The following SOCS2 variants were observed in gnomAD, a reference collection of about 807,000 sequenced individuals.
The protein encoded by SOCS2 is suppressor of cytokine signaling 2.
A neutral mutation model predicts 18.6 loss-of-function variants in SOCS2; 10 were observed. The observed-to-expected ratio is 0.54, with a 90% CI of 0.33 to 0.91. The LOEUF (loss-of-function observed/expected upper bound fraction) is 0.91. Ranked by LOEUF, SOCS2 falls within the 40% of genes least tolerant of loss-of-function variation. SOCS2 has a pLI of 0.02. For synonymous variants in SOCS2, 104 were observed against 104.0 expected (o/e 1.00, Z 0.00); for missense variants, 231 against 247.2 (o/e 0.93, Z 0.44).
At chr12:93,592,018 G>A in the SOCS2 span, among the ~76,000 whole-genome samples, 5 of 152,104 alleles carry the variant, frequency 3.3e-5, no homozygotes, top group East Asian at 1.9e-4. Flanking sequence ...TTCTAAAAGT[G>A]ATAACATGCT....
chr12:93,580,290 T>A (rs192204869), downstream of SOCS2, among the ~76,000 whole-genome samples: 4 of 152,288 alleles, frequency 2.6e-5, no homozygotes, highest in African/African-American at 9.6e-5. Flanking sequence ...TGTTTAGTGT[T>A]TGGTCCAGAA....
Position 93,575,347 on chromosome 12 carries a change from A to G in SOCS2, c.*168A>G. ...AGCTTGAAGAGGTAGCTAGGTGTTT[A>G]AAGTTCCTCCAGATACTTTTACCTG... On this transcript the variant is annotated 3_prime_UTR_variant, in exon 2 of 2. Coordinates refer to ENST00000551556, the MANE Select transcript of SOCS2 (RefSeq NM_001270471.2). 1 of 467,566 alleles carries G rather than the reference A, an allele frequency of 2.1e-6. No individual in the cohort carries two copies. The highest frequency in any genetic ancestry group is 5.7e-4 in the Middle Eastern group (1 of 1,760). The allele number at this position is 467,566 out of a possible 1,614,324, so 29.0% of individuals were successfully genotyped here.
chr12:93,598,691 C>T, the SOCS2 span, among the ~76,000 whole-genome samples: 1 of 152,210 alleles, frequency 6.6e-6, no homozygotes, highest in Non-Finnish European at 1.5e-5. Flanking sequence ...ATATTCCAAT[C>T]TATGAGTACA....
chr12:93,586,889 C>T (rs1008894111), downstream of SOCS2, among the ~76,000 whole-genome samples: 2 of 152,174 alleles, frequency 1.3e-5, no homozygotes, highest in Non-Finnish European at 2.9e-5. Context: ...AGTCCCTGGC[C>T]GGGCACAGTG....
At chr12:93,624,354 C>T in the SOCS2 span, among the ~76,000 whole-genome samples, 24 of 152,272 alleles carry the variant, frequency 1.6e-4, no homozygotes, top group South Asian at 6.2e-4. Context: ...GGGTGGATCA[C>T]GAGGTCAAGA....
downstream of SOCS2, among the ~76,000 whole-genome samples, chr12:93,578,432 G>T (rs533050179): frequency 6.6e-6 from 1 of 152,202 alleles, no homozygotes; most frequent in South Asian, 2.1e-4. Context: ...GGGGTAGGTG[G>T]GGTTTGAGTG....
the SOCS2 span, among the ~76,000 whole-genome samples, chr12:93,605,199 T>C: frequency 6.6e-6 from 1 of 152,204 alleles, no homozygotes. Context: ...ACCACCCACA[T>C]TTAACAAGGA....
At chr12:93,604,920 G>C in the SOCS2 span, among the ~76,000 whole-genome samples, 541 of 150,802 alleles carry the variant, frequency 3.6e-3, 4 homozygotes, top group African/African-American at 0.012. Context: ...CTTGGCCCCC[G>C]CAAAGTGCTA....
the SOCS2 span, among the ~76,000 whole-genome samples, chr12:93,617,250 T>A: frequency 6.6e-6 from 1 of 152,062 alleles, no homozygotes; most frequent in African/African-American, 2.4e-5. Flanking sequence ...CATCCCAGGG[T>A]GGGATTTTTA....
rs1389223150 is a variant in SOCS2 at position 93,575,807 on chromosome 12, A to G, written c.*628A>G. ...ATGTGAATGAGTACTGTAGTAATCC[A>G]TTCTATGGGAGCCTTATTTCAGAAA... On this transcript the variant is annotated 3_prime_UTR_variant, in exon 2 of 2. Transcript: ENST00000551556. 1.3e-5 allele frequency: 2 copies of G among 152,662 alleles called. No homozygotes were observed. The highest frequency in any genetic ancestry group is 4.8e-5 in the African/African-American group (2 of 41,450). 9.5% of individuals were successfully genotyped at this position (152,662 alleles called of 1,614,324 possible).
chr12:93,590,308 G>C, the SOCS2 span, among the ~76,000 whole-genome samples: 2 of 151,562 alleles, frequency 1.3e-5, no homozygotes, highest in Non-Finnish European at 2.9e-5. Flanking sequence ...TACAGTTTTA[G>C]CTACCGACGC....
the SOCS2 span, among the ~76,000 whole-genome samples, chr12:93,603,025 T>G: frequency 1.3e-5 from 2 of 152,180 alleles, no homozygotes; most frequent in Admixed American, 1.3e-4. Flanking sequence ...TGGGCTCAAC[T>G]AAGAGGAAGT....
chr12:93,610,914 G>C, the SOCS2 span, among the ~76,000 whole-genome samples: 15 of 152,224 alleles, frequency 9.9e-5, no homozygotes, highest in Admixed American at 6.5e-5. Context: ...AATAGGAATG[G>C]ACTAAGACAC....
chr12:93,607,466 A>G, the SOCS2 span, among the ~76,000 whole-genome samples: 4 of 152,244 alleles, frequency 2.6e-5, no homozygotes, highest in African/African-American at 9.6e-5. Context: ...AGGTCATGCC[A>G]GATAAAAAGG....
At chr12:93,600,727 T>TA in the SOCS2 span, among the ~76,000 whole-genome samples, 145 of 151,834 alleles carry the variant, frequency 9.5e-4, 1 homozygote, top group African/African-American at 3.0e-3. Flanking sequence ...TTTTTTTTTT[T>TA]ACTATTGTTA....
chr12:93,576,340 G>C lies in SOCS2; in HGVS notation c.*1161G>C, dbSNP rs945557337. On this transcript the variant is annotated 3_prime_UTR_variant, in exon 2 of 2. Coordinates refer to ENST00000551556, the MANE Select transcript of SOCS2 (RefSeq NM_001270471.2). ...TTACTTGCCATTCTGTAAAGTTATG[G>C]GCTGTACCTGCCCCCTTTGCAATTT... The C allele has an allele frequency of 5.3e-5, 8 of 152,358 alleles. No individual in the cohort carries two copies. Among genetic ancestry groups the C allele is most frequent in the African/African-American group, 1.2e-4 (5 of 41,448 alleles). 9.4% of individuals were successfully genotyped at this position (152,358 alleles called of 1,614,324 possible).
chr12:93,600,485 T>G, the SOCS2 span, among the ~76,000 whole-genome samples: 2 of 152,162 alleles, frequency 1.3e-5, no homozygotes, highest in Non-Finnish European at 2.9e-5. Flanking sequence ...GATACTAGCT[T>G]AAGGATCAAC....
the SOCS2 span, among the ~76,000 whole-genome samples, chr12:93,607,591 A>G: frequency 0.015 from 2,315 of 152,318 alleles, 71 homozygotes; most frequent in African/African-American, 0.053. Flanking sequence ...GGTGAGGCAA[A>G]TGAGGCATTC....
chr12:93,606,561 C>T, the SOCS2 span, among the ~76,000 whole-genome samples: 3 of 152,098 alleles, frequency 2.0e-5, no homozygotes, highest in Non-Finnish European at 2.9e-5. Flanking sequence ...CATACCTCAT[C>T]AGTGTTTGCT....
Sources: allele counts gnomAD v4.1 joint callset (sites outside exome capture counted in the v4.1 genomes callset), GRCh38; gene constraint gnomAD v4.1.1; transcripts MANE v1.5; gene names NCBI Gene and HGNC (gene_info 2026-07-23, HGNC 2026-07-21).